The following NCAPG variants were observed in gnomAD, a reference collection of about 807,000 sequenced individuals.
NCAPG encodes the protein non-SMC condensin I complex subunit G.
NCAPG carries 69 observed loss-of-function variants against 113.1 expected under a neutral mutation model. The observed-to-expected ratio is 0.61, with a 90% CI of 0.50 to 0.75. The LOEUF (loss-of-function observed/expected upper bound fraction) is 0.75. NCAPG is among the 30% of genes least tolerant of loss of function. NCAPG has a pLI of 0.00. For missense variants in NCAPG, 1,058 were observed against 1,177.0 expected, an observed-to-expected ratio of 0.90 and a Z score of 1.48; for synonymous variants, 370 against 415.8, an observed-to-expected ratio of 0.89 and a Z score of 1.34.
At chr4:17,824,804 T>C (rs930635754) in intron 9 of NCAPG, among the ~76,000 whole-genome samples, 164 bp from the exon 10 acceptor site, 5 of 152,028 alleles carry the variant, frequency 3.3e-5, no homozygotes, top group Non-Finnish European at 7.4e-5. Context: ...TGTTTTGTTT[T>C]TTTCTAAAAT....
intron 12 of NCAPG, among the ~76,000 whole-genome samples, chr4:17,828,773 T>C (rs544763334): frequency 1.3e-5 from 2 of 152,186 alleles, no homozygotes; most frequent in South Asian, 4.1e-4. Context: ...ATTTATTTAT[T>C]ATATTTAAAG....
intron 13 of NCAPG, among the ~76,000 whole-genome samples, chr4:17,833,031 A>T (rs1024871079): frequency 6.6e-6 from 1 of 152,184 alleles, no homozygotes; most frequent in Non-Finnish European, 1.5e-5. Flanking sequence ...ATTTGTTCTA[A>T]AAGCCAAGTT....
intron 10 of NCAPG, 49 bp from the exon 11 acceptor site, chr4:17,825,333 A>G: frequency 1.4e-6 from 2 of 1,457,490 alleles, no homozygotes; most frequent in Non-Finnish European, 1.9e-6. Flanking sequence ...ACAGATATTC[A>G]TATTAACAGT....
In NCAPG at chr4:17,817,215, A is replaced by G. The variant is rs1008514322; in HGVS notation, c.776-46A>G. 2.2e-6 allele frequency: 3 copies of G among 1,373,620 alleles called. No homozygotes were observed. In the African/African-American group the frequency reaches 4.3e-5, roughly 20 times the overall value. The allele number at this position is 1,373,620 out of a possible 1,614,324, so 85.1% of individuals were successfully genotyped here. ...AAACAGACAAAATACAAGAGATGGA[A>G]GCTAGAGGGAGCCTTTGTTCACCTA... On this transcript the variant is annotated intron_variant, in intron 5 of 20. Coordinates refer to ENST00000251496, the MANE Select transcript of NCAPG (RefSeq NM_022346.5).
intron 14 of NCAPG, among the ~76,000 whole-genome samples, chr4:17,836,832 C>T (rs1722116568): frequency 6.6e-6 from 1 of 152,018 alleles, no homozygotes; most frequent in Non-Finnish European, 1.5e-5. Context: ...TTTTCTATGT[C>T]TTAGAAACCC....
intron 7 of NCAPG, among the ~76,000 whole-genome samples, chr4:17,818,919 T>A (rs1307331293): frequency 6.6e-6 from 1 of 152,236 alleles, no homozygotes. Flanking sequence ...TGGAATTCCC[T>A]CTTTTATTTC....
intron 9 of NCAPG, 36 bp downstream of exon 9, chr4:17,823,806 T>C (rs979302213): frequency 1.3e-6 from 2 of 1,551,040 alleles, no homozygotes; most frequent in Non-Finnish European, 1.8e-6. Context: ...AAAGAGGTTT[T>C]GGTCAATGAC....
intron 13 of NCAPG, among the ~76,000 whole-genome samples, chr4:17,831,749 G>A (rs79908166): frequency 0.12 from 17,609 of 152,156 alleles, 1,140 homozygotes; most frequent in South Asian, 0.24. Flanking sequence ...TTGAGCAAAG[G>A]GAAGAATAAT....
Position 17,831,112 on chromosome 4 carries a change from T to C in NCAPG, c.1880T>C (p.Leu627Ser). ...DFARKHFVLL[L>S]QVLQIDDVTI... Reference sequence around the variant, plus strand: ...GCAAGGAAACACTTCGTATTACTATTGCAGGTAGGATTTATCTTGTGATAA... The same window carrying C: ...GCAAGGAAACACTTCGTATTACTATCGCAGGTAGGATTTATCTTGTGATAA... Residue 627 changes from leucine to serine, a missense_variant, in exon 13 of 21, where the codon TTG (leucine) becomes TCG (serine). By Grantham distance (145) the Leu-to-Ser change is moderately radical (BLOSUM62 -2). Transcript: ENST00000251496. The C allele has an allele frequency of 6.2e-7, 1 of 1,612,780 alleles. No individual in the cohort carries two copies. Among genetic ancestry groups the C allele is most frequent in the East Asian group, 2.2e-5 (1 of 44,810 alleles).
chr4:17,842,755 G>A, intron 20 of NCAPG: 1 of 177,116 alleles, frequency 5.6e-6, no homozygotes, highest in South Asian at 1.3e-4. Flanking sequence ...TTGTGTGGTA[G>A]AGTGTTTTAT....
chr4:17,829,317 A>G (rs1721778601), intron 12 of NCAPG, among the ~76,000 whole-genome samples: 2 of 152,224 alleles, frequency 1.3e-5, no homozygotes, highest in African/African-American at 2.4e-5. Flanking sequence ...TGTAATCTGA[A>G]GTCTAATTCC....
chr4:17,821,448 CACCCCCGCCT>C, intron 7 of NCAPG, among the ~76,000 whole-genome samples: 1 of 140,070 alleles, frequency 7.1e-6, no homozygotes, highest in East Asian at 2.1e-4. Context: ...TGGTTTTTGT[CACCCCCGCCT>C]TTTTTTTTTT....
intron 11 of NCAPG, among the ~76,000 whole-genome samples, chr4:17,827,748 C>T (rs915297444): frequency 1.4e-5 from 2 of 147,330 alleles, no homozygotes; most frequent in South Asian, 2.2e-4. Context: ...AGATGATAAA[C>T]GAGGTTGTCA....
chr4:17,843,382 G>A lies in NCAPG; in HGVS notation c.3005G>A (p.Ser1002Asn), dbSNP rs771576325. Residue 1002 changes from serine to asparagine, a missense_variant, in exon 21 of 21, where the codon AGT becomes AAT. Coordinates refer to ENST00000251496, the MANE Select transcript of NCAPG (RefSeq NM_022346.5). ...RRAKTAALEK[S>N]KLNLAQFLNE... ...GCCAAAACCGCAGCACTAGAAAAAA[G>A]TAAACTTAACCTTGCCCAATTTCTC... 3 of 1,611,778 alleles carry A rather than the reference G, an allele frequency of 1.9e-6. No homozygotes were observed. Among genetic ancestry groups the A allele is most frequent in the African/African-American group, 1.3e-5 (1 of 74,834 alleles).
chr4:17,821,486 C>T (rs1188302518), intron 7 of NCAPG, among the ~76,000 whole-genome samples: 4 of 118,692 alleles, frequency 3.4e-5, no homozygotes, highest in Non-Finnish European at 4.9e-5. Context: ...TTTTAAGAGA[C>T]GTAGTCTTGC....
At chr4:17,828,769 T>G (rs1366824170) in intron 12 of NCAPG, among the ~76,000 whole-genome samples, 1 of 152,074 alleles carries the variant, frequency 6.6e-6, no homozygotes, top group Non-Finnish European at 1.5e-5. Flanking sequence ...AGGAATTTAT[T>G]TATTATATTT....
chr4:17,838,395 A>G (rs1054273219), intron 16 of NCAPG, among the ~76,000 whole-genome samples: 4 of 152,306 alleles, frequency 2.6e-5, no homozygotes, highest in African/African-American at 9.6e-5. Flanking sequence ...TGTTCAATTC[A>G]TATGTTGTAT....
chr4:17,823,215 C>CCCTA (rs1721530437), intron 8 of NCAPG, 92 bp downstream of exon 8: 2 of 1,234,940 alleles, frequency 1.6e-6, no homozygotes, highest in African/African-American at 3.1e-5. Flanking sequence ...AACATATTTA[C>CCCTA]CCTAGCTCTC....
Position 17,822,896 on chromosome 4 carries a change from A to G in NCAPG, c.1119-87A>G, listed in dbSNP as rs1721515743. On this transcript the variant is annotated intron_variant, in intron 7 of 20. Transcript: ENST00000251496. ...GTATTTAGACGAATATGACCTGAAA[A>G]TGGCCCTTTTCTGACCTAATGGTGG... 3.8e-6 allele frequency: 4 copies of G among 1,053,318 alleles called. No individual in the cohort carries two copies. In the South Asian group the frequency reaches 7.3e-5, roughly 19 times the overall value. 65.2% of individuals were successfully genotyped at this position (1,053,318 alleles called of 1,614,324 possible).
Sources: gnomAD v4.1 joint callset for allele counts (sites outside exome capture counted in the v4.1 genomes callset) on GRCh38, gnomAD v4.1.1 for gene constraint, MANE v1.5 for transcripts, NCBI Gene and HGNC (gene_info 2026-07-23, HGNC 2026-07-21) for gene names.